Variants in GMDS observed in about 807,000 individuals in gnomAD.
The protein encoded by GMDS is GDP-mannose 4,6-dehydratase, also known as GDP-mannose 4,6 dehydratase.
Under a neutral mutation model 49.9 loss-of-function variants are expected in GMDS, and 20 were observed. The ratio of observed to expected loss-of-function variants is 0.40; its 90% CI spans 0.28 to 0.58. The LOEUF is 0.58. Ranked by LOEUF, GMDS falls within the 20% of genes least tolerant of loss-of-function variation. The pLI is 0.42. For synonymous variants in GMDS, 177 were observed against 178.6 expected (o/e 0.99, Z 0.07); for missense variants, 362 against 481.4 (o/e 0.75, Z 2.32).
At chr6:1,660,248 A>G (rs954167058) in intron 9 of GMDS, among the ~76,000 whole-genome samples, 1 of 152,184 alleles carries the variant, frequency 6.6e-6, no homozygotes, top group African/African-American at 2.4e-5. Flanking sequence ...ATTACATTTC[A>G]AGCAAGGGGT....
chr6:1,878,155 TAC>T (rs1312623802), intron 7 of GMDS, among the ~76,000 whole-genome samples: 6 of 151,510 alleles, frequency 4.0e-5, no homozygotes, highest in Non-Finnish European at 5.9e-5. Flanking sequence ...CTACTAAAAA[TAC>T]ACAAAAAATT....
intron 7 of GMDS, among the ~76,000 whole-genome samples, chr6:1,925,705 TGATACG>T (rs1168023228): frequency 6.6e-6 from 1 of 152,180 alleles, no homozygotes; most frequent in Non-Finnish European, 1.5e-5. Flanking sequence ...AGAGAGGTTG[TGATACG>T]GAAGAGGGGC....
chr6:1,886,849 C>G (rs1396900574), intron 7 of GMDS, among the ~76,000 whole-genome samples: 5 of 152,124 alleles, frequency 3.3e-5, no homozygotes, highest in African/African-American at 1.2e-4. Flanking sequence ...TATTGGTTAG[C>G]TCTCACTAAC....
intron 7 of GMDS, among the ~76,000 whole-genome samples, chr6:1,819,111 G>A (rs1307962584): frequency 1.3e-5 from 2 of 151,800 alleles, no homozygotes; most frequent in Admixed American, 1.3e-4. Context: ...TCTAGAACAT[G>A]CCTTCCTATT....
At chr6:2,229,393 G>C (rs1326564140) in intron 1 of GMDS, among the ~76,000 whole-genome samples, 1 of 130,824 alleles carries the variant, frequency 7.6e-6, no homozygotes, top group African/African-American at 3.0e-5. Context: ...GCAACATAGA[G>C]AGACCCTGTT....
At chr6:1,711,575 C>A (rs893280582) in intron 9 of GMDS, among the ~76,000 whole-genome samples, 3 of 152,142 alleles carry the variant, frequency 2.0e-5, no homozygotes. Context: ...CTCATTTTGC[C>A]AGTTTGCACC....
intron 9 of GMDS, among the ~76,000 whole-genome samples, chr6:1,675,613 G>C (rs1764592445): frequency 6.6e-6 from 1 of 152,142 alleles, no homozygotes; most frequent in South Asian, 2.1e-4. Flanking sequence ...AGCACTTTGG[G>C]AGGCCGAGGC....
intron 4 of GMDS, among the ~76,000 whole-genome samples, chr6:2,087,686 G>T (rs1323528461): frequency 6.6e-6 from 1 of 152,164 alleles, no homozygotes; most frequent in Non-Finnish European, 1.5e-5. Context: ...CGCAATTTTA[G>T]TATTGCTTGA....
At chr6:1,894,252 T>TA (rs1284514806) in intron 7 of GMDS, among the ~76,000 whole-genome samples, 1 of 152,232 alleles carries the variant, frequency 6.6e-6, no homozygotes, top group Admixed American at 6.5e-5. Context: ...AATCTGATCT[T>TA]ACTGCCACTC....
intron 7 of GMDS, among the ~76,000 whole-genome samples, chr6:1,790,081 G>A (rs1375657912): frequency 6.6e-6 from 1 of 151,930 alleles, no homozygotes; most frequent in Non-Finnish European, 1.5e-5. Flanking sequence ...TATTTTTGAT[G>A]AACTGCTTCT....
chr6:1,641,883 G>A (rs368151647), intron 9 of GMDS, among the ~76,000 whole-genome samples: 2 of 152,180 alleles, frequency 1.3e-5, no homozygotes, highest in African/African-American at 4.8e-5. Context: ...CATGAAAGGT[G>A]AAGCGGAAAT....
At chr6:1,668,888 C>T (rs1438171348) in intron 9 of GMDS, among the ~76,000 whole-genome samples, 1 of 152,210 alleles carries the variant, frequency 6.6e-6, no homozygotes, top group African/African-American at 2.4e-5. Flanking sequence ...CTGGCCAAAT[C>T]AGAGAAGTAC....
Position 2,099,824 on chromosome 6 carries a change from T to C in GMDS, c.345+15947A>G, listed in dbSNP as rs6906401. Among the ~76,000 whole-genome samples the C allele has an allele frequency of 4.1e-3, 618 of 152,250 alleles. 5 individuals carry two copies. The highest frequency in any genetic ancestry group is 0.013 in the African/African-American group (553 of 41,572). ...ACCATTATATGCTAATATCTGACAA[T>C]TGTTTCTCCCAAAAAGTATGATTTT... On this transcript the variant is annotated intron_variant, in intron 4 of 10. Coordinates refer to ENST00000380815, the MANE Select transcript of GMDS (RefSeq NM_001500.4).
intron 4 of GMDS, among the ~76,000 whole-genome samples, chr6:2,081,260 G>A (rs529595204): frequency 1.3e-5 from 2 of 152,096 alleles, no homozygotes; most frequent in African/African-American, 2.4e-5. Context: ...TAGGAACTCC[G>A]GATGGTTTTC....
In GMDS at chr6:2,175,184, G is replaced by GCATT. The variant is rs538572528; in HGVS notation, c.103-50454_103-50453insAATG. 1.0e-3 allele frequency among the ~76,000 whole-genome samples: 152 copies of GCATT among 152,208 alleles called. 1 individual carries two copies. The East Asian group carries it at 0.013, about 13-fold the overall frequency. ...CACATTTTTGCTTCTTGAAAAAGGAGATGTTTTATTTATTAATGTAAGTTA... is the reference window on the plus strand; with the variant it reads ...CACATTTTTGCTTCTTGAAAAAGGAGCATTATGTTTTATTTATTAATGTAAGTTA... On this transcript the variant is annotated intron_variant, in intron 1 of 10. Coordinates refer to ENST00000380815, the MANE Select transcript of GMDS (RefSeq NM_001500.4).
intron 7 of GMDS, among the ~76,000 whole-genome samples, chr6:1,887,476 G>C (rs1759664600): frequency 6.6e-6 from 1 of 152,134 alleles, no homozygotes; most frequent in Admixed American, 6.5e-5. Context: ...GGAAGAAAGA[G>C]CTATGAAGGT....
At chr6:1,626,260 G>C (rs559967606) in intron 9 of GMDS, 1 of 152,300 alleles carries the variant, frequency 6.6e-6, no homozygotes, top group Non-Finnish European at 1.5e-5. Flanking sequence ...CAAACGCTTT[G>C]CATTTCGCAA....
intron 6 of GMDS, among the ~76,000 whole-genome samples, chr6:1,948,706 A>C (rs1325164810): frequency 6.6e-6 from 1 of 152,170 alleles, no homozygotes; most frequent in Non-Finnish European, 1.5e-5. Context: ...TTTCTTAAGA[A>C]TCTTTCACAC....
chr6:1,757,193 A>C (rs138374129), intron 7 of GMDS, among the ~76,000 whole-genome samples: 1 of 152,350 alleles, frequency 6.6e-6, no homozygotes, highest in East Asian at 1.9e-4. Flanking sequence ...TGACAGGTTT[A>C]AATGAGGGCA....
Sources: gnomAD v4.1 joint callset for allele counts (sites outside exome capture counted in the v4.1 genomes callset) on GRCh38, gnomAD v4.1.1 for gene constraint, MANE v1.5 for transcripts, NCBI Gene and HGNC (gene_info 2026-07-23, HGNC 2026-07-21) for gene names.